AUTS2: variants seen among roughly 807,000 people sequenced by gnomAD.
The protein encoded by AUTS2 is autism susceptibility gene 2 protein.
A neutral mutation model predicts 112.4 loss-of-function variants in AUTS2; 17 were observed. That is an observed-to-expected ratio of 0.15 (90% CI 0.10 to 0.23). The LOEUF (loss-of-function observed/expected upper bound fraction) is 0.23, where lower values mean the gene tolerates loss of function less well. AUTS2 is among the 10% of genes least tolerant of loss of function. The probability of loss-of-function intolerance (pLI) is 1.00; values close to 1 mark genes in which losing one functional copy is unlikely to be tolerated. For missense variants in AUTS2, 1,510 were observed against 1,701.6 expected (o/e 0.89, Z 1.98); for synonymous variants, 751 against 702.7 (o/e 1.07, Z -1.09).
intron 1 of AUTS2, among the ~76,000 whole-genome samples, chr7:69,849,331 G>A (rs1404647147): frequency 5.3e-5 from 8 of 152,090 alleles, no homozygotes; most frequent in Non-Finnish European, 8.8e-5. Context: ...CAGATTTATA[G>A]GAGGTTGCCA....
intron 4 of AUTS2, among the ~76,000 whole-genome samples, chr7:70,248,397 T>C (rs1264334018): frequency 6.6e-6 from 1 of 152,180 alleles, no homozygotes; most frequent in Non-Finnish European, 1.5e-5. Flanking sequence ...GTGCTGAGAT[T>C]ACAGGCATGA....
chr7:70,763,233 A>C lies in AUTS2; in HGVS notation c.1106A>C (p.Gln369Pro). The C allele has an allele frequency of 1.2e-6, 2 of 1,613,962 alleles. No homozygotes were observed. Among genetic ancestry groups the C allele is most frequent in the Non-Finnish European group, 1.7e-6 (2 of 1,179,970 alleles). ...CCACCCAGGCCACAGTCCCCCACCC[A>C]GCTGCTCCATCAGAACCTCCCACCT... ...QRPPRPQSPT[Q>P]LLHQNLPPVQ... Residue 369 changes from glutamine to proline, a missense_variant, in exon 7 of 19, where the codon CAG becomes CCG. By Grantham distance (76) the Gln-to-Pro change is moderately conservative (BLOSUM62 -1). This residue lies in a region of AUTS2 where 535 missense variants were observed against 594.3 expected (regional missense o/e 0.90). Transcript: ENST00000342771.
At chr7:69,624,699 C>T (rs1387549116) in intron 1 of AUTS2, among the ~76,000 whole-genome samples, 2 of 152,164 alleles carry the variant, frequency 1.3e-5, no homozygotes, top group African/African-American at 2.4e-5. Context: ...CCTCATGCTC[C>T]CCCATCTTAG....
chr7:70,177,707 C>G (rs1809064677), intron 4 of AUTS2, among the ~76,000 whole-genome samples: 2 of 152,118 alleles, frequency 1.3e-5, no homozygotes, highest in Non-Finnish European at 2.9e-5. Context: ...TTCCCTCCAA[C>G]AAAGGTCATT....
At chr7:70,374,209 G>A (rs184976543) in intron 4 of AUTS2, among the ~76,000 whole-genome samples, 12 of 152,104 alleles carry the variant, frequency 7.9e-5, no homozygotes, top group South Asian at 2.1e-4. Flanking sequence ...ATTTTGTCTC[G>A]AAAAGAGGGA....
chr7:70,156,891 TAAAAAAAAAAAAAAAAAAAAA>T (rs781281055), intron 4 of AUTS2, among the ~76,000 whole-genome samples: 979 of 37,910 alleles, frequency 0.026, 43 homozygotes, highest in African/African-American at 0.1. Flanking sequence ...CTACTAAAAG[TAAAAAAAAAAAAAAAAAAAAA>T]AAAAAAAAAA....
intron 5 of AUTS2, among the ~76,000 whole-genome samples, chr7:70,644,426 G>A (rs1156718891): frequency 2.6e-5 from 4 of 152,058 alleles, no homozygotes; most frequent in Admixed American, 6.5e-5. Flanking sequence ...ACACAGTCCC[G>A]ACTCTATCAC....
chr7:69,634,938 T>G (rs1029517654), intron 1 of AUTS2, among the ~76,000 whole-genome samples: 2 of 152,154 alleles, frequency 1.3e-5, no homozygotes, highest in Non-Finnish European at 2.9e-5. Flanking sequence ...GTGTGTGATT[T>G]TTCAGGGCAA....
chr7:70,055,368 A>T (rs867003947), intron 2 of AUTS2, among the ~76,000 whole-genome samples: 1 of 152,148 alleles, frequency 6.6e-6, no homozygotes, highest in Non-Finnish European at 1.5e-5. Flanking sequence ...CAGGAGGCGG[A>T]GGTTGTGGTG....
chr7:70,389,127 C>A (rs1793738816), intron 4 of AUTS2, among the ~76,000 whole-genome samples: 1 of 152,084 alleles, frequency 6.6e-6, no homozygotes, highest in Non-Finnish European at 1.5e-5. Context: ...GTGTTACTAC[C>A]CTGCATAATC....
chr7:70,388,331 T>C (rs1454488855), intron 4 of AUTS2, among the ~76,000 whole-genome samples: 1 of 152,224 alleles, frequency 6.6e-6, no homozygotes, highest in Non-Finnish European at 1.5e-5. Flanking sequence ...GCCTTGGATT[T>C]TCATTGTTAT....
At chr7:70,126,155 A>G (rs964339265) in intron 3 of AUTS2, among the ~76,000 whole-genome samples, 1 of 152,208 alleles carries the variant, frequency 6.6e-6, no homozygotes, top group East Asian at 1.9e-4. Context: ...ATGGTGGCTC[A>G]CGCCTGCAAT....
At chr7:69,856,845 C>G (rs1457002487) in intron 1 of AUTS2, among the ~76,000 whole-genome samples, 1 of 152,130 alleles carries the variant, frequency 6.6e-6, no homozygotes, top group Non-Finnish European at 1.5e-5. Flanking sequence ...CTTACAGGTT[C>G]CCTCCATGCT....
chr7:70,287,746 A>G (rs1010950677), intron 4 of AUTS2, among the ~76,000 whole-genome samples: 1 of 152,174 alleles, frequency 6.6e-6, no homozygotes, highest in Non-Finnish European at 1.5e-5. Flanking sequence ...GGACAAGCCA[A>G]TCAAATGAGT....
At chr7:70,217,590 A>G (rs10256093) in intron 4 of AUTS2, among the ~76,000 whole-genome samples, 12,233 of 152,240 alleles carry the variant, frequency 0.08, 636 homozygotes, top group African/African-American at 0.13. Flanking sequence ...TGAATCAGGT[A>G]TATTTGCTCA....
At chr7:70,474,284 G>GC (rs1029341398) in intron 5 of AUTS2, among the ~76,000 whole-genome samples, 1 of 152,140 alleles carries the variant, frequency 6.6e-6, no homozygotes, top group Non-Finnish European at 1.5e-5. Context: ...TCATTGTGGT[G>GC]CCCCCCAGGG....
chr7:69,750,229 C>T (rs1041730354), intron 1 of AUTS2, among the ~76,000 whole-genome samples: 8 of 151,814 alleles, frequency 5.3e-5, no homozygotes, highest in African/African-American at 1.9e-4. Flanking sequence ...AAGGCAAAAG[C>T]GTAAGGGTGT....
chr7:70,249,372 T>A (rs1383006710), intron 4 of AUTS2, among the ~76,000 whole-genome samples: 2 of 152,166 alleles, frequency 1.3e-5, no homozygotes, highest in East Asian at 3.9e-4. Flanking sequence ...AAGCCACATG[T>A]GGCCAGTGGC....
At chr7:70,406,041 A>G (rs1562939144) in intron 4 of AUTS2, among the ~76,000 whole-genome samples, 1 of 152,104 alleles carries the variant, frequency 6.6e-6, no homozygotes, top group Non-Finnish European at 1.5e-5. Context: ...CCCTGAAGGT[A>G]TTTAAAAGAA....
Sources: allele counts gnomAD v4.1 joint callset (sites outside exome capture counted in the v4.1 genomes callset), GRCh38; gene constraint gnomAD v4.1.1; regional missense constraint gnomAD v4.1.1; transcripts MANE v1.5; gene names NCBI Gene and HGNC (gene_info 2026-07-23, HGNC 2026-07-21).